DMD: variants seen among roughly 807,000 people sequenced by gnomAD.
DMD encodes dystrophin, also known as mutant dystrophin.
Under a neutral mutation model 330.1 loss-of-function variants are expected in DMD, and 63 were observed. That is an observed-to-expected ratio of 0.19 (90% CI 0.16 to 0.24). DMD has a LOEUF of 0.24. DMD is among the 10% of genes least tolerant of loss of function. DMD has a pLI of 1.00. For synonymous variants in DMD, 1,223 were observed against 959.8 expected (o/e 1.27, Z -5.07); for missense variants, 3,344 against 2,684.1 (o/e 1.25, Z -5.43).
At chrX:32,309,835 G>A (rs1392737606) in intron 42 of DMD, among the ~76,000 whole-genome samples, 1 of 111,025 alleles carries the variant, frequency 9.0e-6, no homozygotes, top group Non-Finnish European at 1.9e-5. Flanking sequence ...ATGTAAAAAT[G>A]ATCATTTTTG....
chrX:31,387,769 G>C (rs760100746), intron 60 of DMD, among the ~76,000 whole-genome samples: 2 of 110,339 alleles, frequency 1.8e-5, no homozygotes, highest in Admixed American at 1.9e-4. Flanking sequence ...GCCCTGTTTG[G>C]GACACAATTC....
chrX:33,020,129 C>G lies in DMD; in HGVS notation c.93+10G>C, dbSNP rs1269617727. The G allele has an allele frequency of 5.1e-6, 6 of 1,176,374 alleles. No individual in the cohort carries two copies. In the South Asian group the frequency reaches 1.1e-4, roughly 22 times the overall value. On this transcript the variant is annotated intron_variant, in intron 2 of 78. Transcript: ENST00000357033. ...TAGATCTTAAAAGTAAAGTAACAAA[C>G]CATTCTTACCTTAGAAAATTGTGCA...
intron 44 of DMD, among the ~76,000 whole-genome samples, chrX:32,207,152 C>A (rs1458822232): frequency 9.0e-6 from 1 of 111,721 alleles, no homozygotes; most frequent in African/African-American, 3.3e-5. Context: ...AGTATCACTA[C>A]TATGGTTTCA....
At chrX:31,836,919 C>T in intron 48 of DMD, 100 bp from the exon 49 acceptor site, 1 of 700,999 alleles carries the variant, frequency 1.4e-6, no homozygotes, top group East Asian at 3.3e-5. Flanking sequence ...TATTGCAGAT[C>T]AATTTCTGCC....
chrX:32,725,921 C>T (rs967728359), intron 7 of DMD, among the ~76,000 whole-genome samples: 1 of 110,873 alleles, frequency 9.0e-6, no homozygotes, highest in Admixed American at 9.7e-5. Flanking sequence ...ATGCCTTTAT[C>T]AAAGTATCTC....
intron 44 of DMD, among the ~76,000 whole-genome samples, chrX:32,105,502 A>G (rs181169996): frequency 8.9e-6 from 1 of 112,313 alleles, no homozygotes; most frequent in African/African-American, 3.2e-5. Flanking sequence ...GTTATTTCAC[A>G]TACACAAATG....
At chrX:32,260,736 C>A (rs2097318904) in intron 43 of DMD, among the ~76,000 whole-genome samples, 1 of 95,126 alleles carries the variant, frequency 1.1e-5, no homozygotes, top group Non-Finnish European at 2.4e-5. Flanking sequence ...TATACATTAT[C>A]CCTCCAGTAA....
intron 7 of DMD, among the ~76,000 whole-genome samples, chrX:32,727,062 T>A (rs943826508): frequency 9.0e-6 from 1 of 110,990 alleles, no homozygotes; most frequent in Non-Finnish European, 1.9e-5. Context: ...TGTGTGAATG[T>A]TACAAAGATA....
intron 1 of DMD, among the ~76,000 whole-genome samples, chrX:33,309,398 T>C (rs993098967): frequency 9.0e-6 from 1 of 111,131 alleles, no homozygotes; most frequent in Non-Finnish European, 1.9e-5. Flanking sequence ...AAATTGAGTA[T>C]ATGGTTTAAG....
chrX:31,489,604 TA>T (rs1490673817), intron 57 of DMD, among the ~76,000 whole-genome samples: 1 of 112,287 alleles, frequency 8.9e-6, no homozygotes, highest in Admixed American at 9.5e-5. Context: ...TAAACATCCA[TA>T]GGGGCAGAGA....
chrX:31,922,546 G>T (rs974732124), intron 47 of DMD, among the ~76,000 whole-genome samples: 2 of 109,480 alleles, frequency 1.8e-5, no homozygotes, highest in African/African-American at 6.7e-5. Context: ...GCGCTAGGGG[G>T]GTGCAGAGGA....
intron 1 of DMD, among the ~76,000 whole-genome samples, chrX:33,271,791 C>A (rs113110529): frequency 1.1e-3 from 115 of 100,264 alleles, no homozygotes; most frequent in African/African-American, 4.5e-3. Context: ...AAAAAAAAAA[C>A]CAAAAAAAAG....
intron 17 of DMD, 52 bp from the exon 18 acceptor site, chrX:32,518,183 A>G (rs961717334): frequency 2.6e-6 from 3 of 1,139,561 alleles, no homozygotes; most frequent in Admixed American, 2.3e-5. Context: ...TCTTTCTTCT[A>G]TATTAAAAAA....
chrX:32,402,923 A>G (rs2098094782), intron 30 of DMD, among the ~76,000 whole-genome samples: 3 of 111,431 alleles, frequency 2.7e-5, no homozygotes. Context: ...GGACCACGTT[A>G]GGCTTATTCA....
rs1247372031 is a variant in DMD at position 32,285,012 on chromosome X, G to C, written c.6290+2517C>G. On this transcript the variant is annotated intron_variant, in intron 43 of 78. Coordinates refer to ENST00000357033, the MANE Select transcript of DMD (RefSeq NM_004006.3). ...GTTTCTGTTTAAGTCTAAGGTGAAG[G>C]TAAACTGAAAGGGAAATGTCCATAT... 3.6e-5 allele frequency among the ~76,000 whole-genome samples: 4 copies of C among 112,212 alleles called. No homozygotes were observed. In the East Asian group the frequency reaches 1.1e-3, roughly 31 times the overall value.
intron 63 of DMD, among the ~76,000 whole-genome samples, chrX:31,224,467 C>A (rs2046386663): frequency 8.9e-6 from 1 of 111,868 alleles, no homozygotes; most frequent in East Asian, 2.8e-4. Flanking sequence ...AACTATTCAG[C>A]ATACAATTTT....
intron 77 of DMD, among the ~76,000 whole-genome samples, chrX:31,131,352 C>T (rs1335151815): frequency 8.9e-6 from 1 of 111,814 alleles, no homozygotes. Flanking sequence ...GTATGGAAGG[C>T]ATCACTTGAT....
intron 1 of DMD, among the ~76,000 whole-genome samples, chrX:33,025,447 A>G (rs969052261): frequency 2.7e-5 from 3 of 109,869 alleles, no homozygotes; most frequent in African/African-American, 6.8e-5. Flanking sequence ...TAAACAATGT[A>G]AGTGAAAGCA....
intron 44 of DMD, among the ~76,000 whole-genome samples, chrX:32,198,054 G>A (rs2097015026): frequency 9.0e-6 from 1 of 111,475 alleles, no homozygotes; most frequent in Non-Finnish European, 1.9e-5. Flanking sequence ...ACCAGGTCCT[G>A]AAAATGTCAG....
Sources: gnomAD v4.1 joint callset for allele counts (sites outside exome capture counted in the v4.1 genomes callset) on GRCh38, gnomAD v4.1.1 for gene constraint, MANE v1.5 for transcripts, NCBI Gene and HGNC (gene_info 2026-07-23, HGNC 2026-07-21) for gene names.